The following NAALADL2 variants were observed in gnomAD, a reference collection of about 807,000 sequenced individuals.
NAALADL2 encodes N-acetylated alpha-linked acidic dipeptidase like 2, also known as inactive N-acetylated-alpha-linked acidic dipeptidase-like protein 2.
Under a neutral mutation model 87.2 loss-of-function variants are expected in NAALADL2, and 76 were observed. The ratio of observed to expected loss-of-function variants is 0.87; its 90% CI spans 0.72 to 1.05. The LOEUF (loss-of-function observed/expected upper bound fraction) is 1.05. NAALADL2 is among the 50% of genes least tolerant of loss of function. The pLI, the probability that NAALADL2 is intolerant of heterozygous loss-of-function variation, is 0.00. For missense variants in NAALADL2, 1,089 were observed against 945.8 expected (o/e 1.15, Z -1.99); for synonymous variants, 354 against 331.0 (o/e 1.07, Z -0.75).
intron 13 of NAALADL2, among the ~76,000 whole-genome samples, chr3:175,787,034 G>T (rs895587103): frequency 6.6e-6 from 1 of 152,018 alleles, no homozygotes; most frequent in Admixed American, 6.5e-5. Flanking sequence ...GTTGGTCAGG[G>T]GTCAGGGACC....
intron 10 of NAALADL2, among the ~76,000 whole-genome samples, chr3:175,618,732 C>T (rs917664630): frequency 7.9e-5 from 12 of 152,064 alleles, no homozygotes; most frequent in South Asian, 2.1e-4. Flanking sequence ...AGGGTCCCAG[C>T]GCCCTTGCAA....
At chr3:175,394,858 A>C (rs1769556483) in intron 5 of NAALADL2, among the ~76,000 whole-genome samples, 1 of 152,192 alleles carries the variant, frequency 6.6e-6, no homozygotes, top group South Asian at 2.1e-4. Context: ...CAAAACTAGC[A>C]CAATTTTTTT....
At chr3:174,452,304 C>A (rs911937933) in intron 1 of NAALADL2, among the ~76,000 whole-genome samples, 3 of 152,108 alleles carry the variant, frequency 2.0e-5, no homozygotes, top group African/African-American at 7.2e-5. Context: ...ATATGTATGA[C>A]CACCTTTAAG....
intron 9 of NAALADL2, among the ~76,000 whole-genome samples, chr3:175,511,750 A>T (rs370312228): frequency 5.9e-5 from 9 of 152,216 alleles, no homozygotes; most frequent in Non-Finnish European, 1.3e-4. Context: ...AGCCATAAAC[A>T]TGCCAATTCT....
intron 3 of NAALADL2, among the ~76,000 whole-genome samples, chr3:174,833,028 A>G (rs1431979096): frequency 6.6e-6 from 1 of 152,166 alleles, no homozygotes; most frequent in Admixed American, 6.5e-5. Context: ...GTATCTACCC[A>G]TTCTACCCCA....
chr3:175,080,516 G>T (rs1580337663), intron 1 of NAALADL2, among the ~76,000 whole-genome samples: 1 of 152,246 alleles, frequency 6.6e-6, no homozygotes, highest in East Asian at 1.9e-4. Flanking sequence ...AGCAAGATTT[G>T]CTCATATATC....
intron 13 of NAALADL2, among the ~76,000 whole-genome samples, chr3:175,765,427 AT>A (rs1444476906): frequency 1.2e-4 from 18 of 152,132 alleles, no homozygotes; most frequent in Admixed American, 2.6e-4. Context: ...CATTTTGTCA[AT>A]ATTAGAACAA....
At chr3:175,483,237 A>G (rs993756440) in intron 9 of NAALADL2, among the ~76,000 whole-genome samples, 1 of 151,870 alleles carries the variant, frequency 6.6e-6, no homozygotes, top group African/African-American at 2.4e-5. Flanking sequence ...GGAGGAAAAA[A>G]GAGTCATTAA....
intron 9 of NAALADL2, among the ~76,000 whole-genome samples, chr3:175,533,608 C>T (rs1402622876): frequency 1.3e-5 from 2 of 152,184 alleles, no homozygotes; most frequent in Non-Finnish European, 1.5e-5. Context: ...TCAGGGTCCT[C>T]CCACACGTCC....
chr3:175,126,196 A>G (rs73176762), intron 2 of NAALADL2, among the ~76,000 whole-genome samples: 12,693 of 152,158 alleles, frequency 0.083, 613 homozygotes, highest in Non-Finnish European at 0.11. Context: ...GAGTGGATTC[A>G]GGTGAGACCA....
chr3:174,537,027 A>G (rs1193907436), intron 1 of NAALADL2, among the ~76,000 whole-genome samples: 4 of 152,210 alleles, frequency 2.6e-5, no homozygotes, highest in Non-Finnish European at 4.4e-5. Flanking sequence ...TTGAATAAAT[A>G]AGTCATATGA....
intron 1 of NAALADL2, among the ~76,000 whole-genome samples, chr3:174,905,874 C>A (rs559607209): frequency 6.6e-6 from 1 of 152,148 alleles, no homozygotes; most frequent in East Asian, 1.9e-4. Context: ...GAAATCTATG[C>A]CCATCACTCA....
At chr3:174,554,701 AC>A (rs1318648666) in intron 2 of NAALADL2, among the ~76,000 whole-genome samples, 2 of 152,222 alleles carry the variant, frequency 1.3e-5, no homozygotes, top group Non-Finnish European at 2.9e-5. Flanking sequence ...AAAAGATTGT[AC>A]CAGTTCACAC....
At chr3:175,406,034 G>C (rs1712302593) in intron 5 of NAALADL2, among the ~76,000 whole-genome samples, 1 of 152,162 alleles carries the variant, frequency 6.6e-6, no homozygotes, top group East Asian at 1.9e-4. Context: ...GACAGACAAG[G>C]CGCTTACCCT....
At position 175,244,495 on chromosome 3, in the gene NAALADL2, T is replaced by C. The variant is rs770469817; in HGVS notation, c.819+10291T>C. ...AACCAACCGAGATACTGTCACGTTG[T>C]TGAGCTGTACGTTAGCTCAGATCTA... On this transcript the variant is annotated intron_variant, in intron 3 of 13. Coordinates refer to ENST00000454872, the MANE Select transcript of NAALADL2 (RefSeq NM_207015.3). Among the ~76,000 whole-genome samples the C allele has an allele frequency of 7.9e-5, 12 of 152,204 alleles. 1 individual carries two copies. Among genetic ancestry groups the C allele is most frequent in the Non-Finnish European group, 1.5e-4 (10 of 68,034 alleles).
chr3:175,491,037 TTTAAATTCCTTTC>T (rs1648774413), intron 9 of NAALADL2, among the ~76,000 whole-genome samples: 1 of 151,940 alleles, frequency 6.6e-6, no homozygotes, highest in Non-Finnish European at 1.5e-5. Flanking sequence ...TTTTAAAACA[TTTAAATTCCTTTC>T]CAGCAGCAGC....
chr3:174,720,212 T>A (rs1001140780), intron 2 of NAALADL2, among the ~76,000 whole-genome samples: 1 of 152,192 alleles, frequency 6.6e-6, no homozygotes, highest in Non-Finnish European at 1.5e-5. Flanking sequence ...AAGTGGAAAC[T>A]TTTATTAAAG....
chr3:174,894,060 T>G (rs1731197437), intron 1 of NAALADL2, among the ~76,000 whole-genome samples: 1 of 152,048 alleles, frequency 6.6e-6, no homozygotes, highest in Admixed American at 6.5e-5. Flanking sequence ...TCACTGTACT[T>G]AGAGAAATTA....
chr3:175,463,044 T>A (rs547952290), intron 6 of NAALADL2, among the ~76,000 whole-genome samples: 1 of 152,298 alleles, frequency 6.6e-6, no homozygotes, highest in East Asian at 1.9e-4. Flanking sequence ...TTTTAATCTA[T>A]TTTTTTCTGT....
Sources: allele counts gnomAD v4.1 joint callset (sites outside exome capture counted in the v4.1 genomes callset), GRCh38; gene constraint gnomAD v4.1.1; transcripts MANE v1.5; gene names NCBI Gene and HGNC (gene_info 2026-07-23, HGNC 2026-07-21).